Variants in AFAP1 observed in about 807,000 individuals in gnomAD.
The protein encoded by AFAP1 is actin filament associated protein 1.
In AFAP1, 75 loss-of-function variants were observed where a neutral mutation model predicts 93.9. The observed-to-expected ratio is 0.80, with a 90% CI of 0.66 to 0.97. The LOEUF is 0.97. Ranked by LOEUF, AFAP1 falls within the 50% of genes least tolerant of loss-of-function variation. The pLI is 0.00. For synonymous variants in AFAP1, 517 were observed against 430.7 expected (o/e 1.20, Z -2.48); for missense variants, 1,201 against 1,050.8 (o/e 1.14, Z -1.98).
At chr4:7,846,240 A>G (rs760210484) in intron 4 of AFAP1, among the ~76,000 whole-genome samples, 23 of 152,354 alleles carry the variant, frequency 1.5e-4, no homozygotes, top group Admixed American at 2.6e-4. Context: ...TGGTGGTTAC[A>G]CAGATGGCTT....
chr4:7,880,730 C>T (rs2149196082), intron 1 of AFAP1, among the ~76,000 whole-genome samples: 1 of 152,332 alleles, frequency 6.6e-6, no homozygotes, highest in African/African-American at 2.4e-5. Flanking sequence ...CTGTCTTCCT[C>T]ACACAGGAAC....
chr4:7,870,769 G>A (rs781168444), intron 2 of AFAP1, among the ~76,000 whole-genome samples: 3 of 152,108 alleles, frequency 2.0e-5, no homozygotes, highest in South Asian at 2.1e-4. Flanking sequence ...AGCCACCCAC[G>A]TTCAAACTGC....
intron 2 of AFAP1, among the ~76,000 whole-genome samples, chr4:7,870,973 T>C (rs1196507619): frequency 6.6e-6 from 1 of 152,160 alleles, no homozygotes; most frequent in African/African-American, 2.4e-5. Context: ...AAATCCTCCA[T>C]CTCATCCGGC....
intron 16 of AFAP1, among the ~76,000 whole-genome samples, chr4:7,771,792 G>A (rs1260742044): frequency 6.6e-6 from 1 of 152,194 alleles, no homozygotes; most frequent in Non-Finnish European, 1.5e-5. Flanking sequence ...GCTCAGCTCT[G>A]CAGGCGGGAG....
intron 13 of AFAP1, 144 bp downstream of exon 13, chr4:7,781,232 G>A: frequency 2.8e-6 from 3 of 1,061,942 alleles, no homozygotes; most frequent in Non-Finnish European, 4.0e-6. Context: ...TGGTAGTCAG[G>A]CTGCAAATTA....
intron 9 of AFAP1, among the ~76,000 whole-genome samples, chr4:7,808,696 G>C (rs528150905): frequency 3.3e-5 from 5 of 152,204 alleles, no homozygotes; most frequent in Non-Finnish European, 7.3e-5. Flanking sequence ...GGGCTGGCCT[G>C]GTGGGAGGTG....
intron 17 of AFAP1, among the ~76,000 whole-genome samples, chr4:7,765,345 G>A (rs1714404047): frequency 6.6e-6 from 1 of 152,196 alleles, no homozygotes; most frequent in Non-Finnish European, 1.5e-5. Flanking sequence ...CCAGGCTTCA[G>A]TGATTCCCCA....
intron 1 of AFAP1, among the ~76,000 whole-genome samples, chr4:7,915,910 T>G (rs62290574): frequency 0.31 from 47,051 of 152,172 alleles, 9,024 homozygotes; most frequent in Non-Finnish European, 0.44. Context: ...TAATTTTTAA[T>G]AAGAATTTTT....
intron 1 of AFAP1, among the ~76,000 whole-genome samples, chr4:7,896,947 A>C (rs768075984): frequency 7.2e-5 from 11 of 151,940 alleles, no homozygotes; most frequent in African/African-American, 2.7e-4. Context: ...ATTCCTCTGG[A>C]AACAGTTCCT....
In AFAP1 at chr4:7,786,224, A is replaced by C. The variant is rs777293285; in HGVS notation, c.1500T>G (p.His500Gln). Residue 500 changes from histidine (H) to glutamine (Q), a missense_variant, in exon 12 of 18, where the codon CAT (histidine) becomes CAG (glutamine). Physicochemically the swap from His to Gln is conservative, Grantham distance 24 (BLOSUM62 0). Transcript: ENST00000420658. ...GYAHPSGTAL[H>Q]YDDVPCINGS... The stretch of plus-strand genomic sequence containing the variant: ...CGTTGATGCACGGGACATCGTCATA[A>C]TGAAGTGCCGTCCCGCTGGGGTGGG... 12 of 1,614,082 alleles carry C rather than the reference A, an allele frequency of 7.4e-6. No individual in the cohort carries two copies. The highest frequency in any genetic ancestry group is 4.4e-5 in the South Asian group (4 of 91,074).
chr4:7,825,188 G>A (rs1277041731), intron 6 of AFAP1, among the ~76,000 whole-genome samples: 1 of 152,022 alleles, frequency 6.6e-6, no homozygotes, highest in Non-Finnish European at 1.5e-5. Flanking sequence ...ATAGATAAAC[G>A]GGAAAGGGTT....
intron 4 of AFAP1, among the ~76,000 whole-genome samples, chr4:7,853,826 A>G (rs1391897055): frequency 2.0e-5 from 3 of 152,116 alleles, no homozygotes; most frequent in African/African-American, 7.2e-5. Context: ...ATCAACTGAG[A>G]GTCCCACGGC....
At chr4:7,880,037 G>C (rs1377616153) in intron 1 of AFAP1, among the ~76,000 whole-genome samples, 1 of 152,058 alleles carries the variant, frequency 6.6e-6, no homozygotes, top group Non-Finnish European at 1.5e-5. Context: ...ATTAGAACTA[G>C]ACATCCCAGG....
chr4:7,876,242 T>G (rs1717497350), intron 1 of AFAP1, among the ~76,000 whole-genome samples: 1 of 152,178 alleles, frequency 6.6e-6, no homozygotes, highest in South Asian at 2.1e-4. Flanking sequence ...GCCTGGGAGT[T>G]TGTCGTGGCC....
At chr4:7,794,495 T>G (rs1718198242) in intron 10 of AFAP1, among the ~76,000 whole-genome samples, 1 of 152,124 alleles carries the variant, frequency 6.6e-6, no homozygotes, top group African/African-American at 2.4e-5. Context: ...TAAGATTATG[T>G]TCGTTCAATT....
chr4:7,921,748 C>T (rs138145662), intron 1 of AFAP1, among the ~76,000 whole-genome samples: 4 of 152,346 alleles, frequency 2.6e-5, no homozygotes, highest in Middle Eastern at 3.4e-3. Flanking sequence ...TTAATCCAAA[C>T]GGTTGGGAAC....
Position 7,762,552 on chromosome 4 carries a change from T to C in AFAP1, c.*1213A>G, listed in dbSNP as rs1560138625. 6.6e-6 allele frequency: 1 copy of C among 152,234 alleles called. No individual in the cohort carries two copies. The highest frequency in any genetic ancestry group is 2.4e-5 in the African/African-American group (1 of 41,468). The allele number at this position is 152,234 out of a possible 1,614,324, so 9.4% of individuals were successfully genotyped here. ...AGGGGGTAAATACCAGCTCAAACTA[T>C]GAACTCTGTTTTTTTCCTTTATGCC... On this transcript the variant is annotated 3_prime_UTR_variant, in exon 18 of 18. Transcript: ENST00000420658.
intron 11 of AFAP1, among the ~76,000 whole-genome samples, chr4:7,789,536 T>C (rs1717642901): frequency 8.3e-6 from 1 of 121,100 alleles, no homozygotes; most frequent in South Asian, 2.7e-4. Flanking sequence ...AAGCCCCTGC[T>C]TTCCATCCTT....
In AFAP1 at chr4:7,759,612, A is replaced by G. The variant is rs546313784; in HGVS notation, c.*4153T>C. On this transcript the variant is annotated 3_prime_UTR_variant, in exon 18 of 18. Coordinates refer to ENST00000420658, the MANE Select transcript of AFAP1 (RefSeq NM_001134647.2). ...CCTTCAAACTATGTCATGAACTTGA[A>G]GTGACTGTTCCCATTAGAAAATCAT... The G allele has an allele frequency of 6.5e-6, 1 of 152,840 alleles. No individual in the cohort carries two copies. Among genetic ancestry groups the G allele is most frequent in the East Asian group, 1.9e-4 (1 of 5,188 alleles). The allele number at this position is 152,840 out of a possible 1,614,324, so 9.5% of individuals were successfully genotyped here. A position where few individuals can be genotyped will look rare whatever the true frequency, so the allele number is the denominator to read the frequency against.
Sources: gnomAD v4.1 joint callset for allele counts (sites outside exome capture counted in the v4.1 genomes callset) on GRCh38, gnomAD v4.1.1 for gene constraint, MANE v1.5 for transcripts, NCBI Gene and HGNC (gene_info 2026-07-23, HGNC 2026-07-21) for gene names.